The following P2RX7 variants were observed in gnomAD, a reference collection of about 807,000 sequenced individuals.
The protein encoded by P2RX7 is purinergic receptor P2X 7, also known as P2X purinoceptor 7.
A neutral mutation model predicts 71.6 loss-of-function variants in P2RX7; 62 were observed. That is an observed-to-expected ratio of 0.87 (90% CI 0.71 to 1.07). P2RX7 has a LOEUF of 1.07. P2RX7 is among the 50% of genes least tolerant of loss of function. The pLI is 0.00. For synonymous variants in P2RX7, 299 were observed against 283.3 expected, an observed-to-expected ratio of 1.06 and a Z score of -0.56; for missense variants, 686 against 748.5, an observed-to-expected ratio of 0.92 and a Z score of 0.97.
At chr12:121,160,066 G>A (rs1342903091) in intron 3 of P2RX7, among the ~76,000 whole-genome samples, 2 of 151,974 alleles carry the variant, frequency 1.3e-5, no homozygotes, top group African/African-American at 4.8e-5. Flanking sequence ...CATCACCACC[G>A]TCTAATTCCA....
rs184520344 is a variant in P2RX7, at chr12:121,173,592, G to A, written c.882-1796G>A. ...GACAGGGCCACAGGAGGAAGTACCA[G>A]ATCCGCTCAAGAGGCAGAATAAAGG... On this transcript the variant is annotated intron_variant, in intron 8 of 12. Transcript: ENST00000328963. Among the ~76,000 whole-genome samples the A allele has an allele frequency of 1.2e-4, 19 of 152,338 alleles. No homozygotes were observed. In the East Asian group the frequency reaches 3.7e-3, roughly 29 times the overall value.
chr12:121,144,308 C>T (rs1875666411), intron 1 of P2RX7, among the ~76,000 whole-genome samples: 1 of 152,200 alleles, frequency 6.6e-6, no homozygotes, highest in Admixed American at 6.5e-5. Flanking sequence ...AGCGATTCTC[C>T]TACCTCAGCT....
chr12:121,144,386 T>TG (rs1875686244), intron 1 of P2RX7, among the ~76,000 whole-genome samples: 1 of 152,166 alleles, frequency 6.6e-6, no homozygotes, highest in African/African-American at 2.4e-5. Context: ...TTAGTAGAGA[T>TG]GGGGTCTCAC....
In P2RX7 at chr12:121,154,738, C is replaced by T. The variant is rs1878207906; in HGVS notation, c.126-47C>T. 6.1e-6 allele frequency: 8 copies of T among 1,309,366 alleles called. No homozygotes were observed. The highest frequency in any genetic ancestry group is 4.6e-5 in the East Asian group (2 of 43,540). The allele number at this position is 1,309,366 out of a possible 1,614,324, so 81.1% of individuals were successfully genotyped here. Reference sequence around the variant, plus strand: ...ATCCTCCAACGCCTGCATCCCAACCCGCTGTGCTATGCCTCCCGTTGATGC... The same window carrying T: ...ATCCTCCAACGCCTGCATCCCAACCTGCTGTGCTATGCCTCCCGTTGATGC... On this transcript the variant is annotated intron_variant, in intron 1 of 12. Transcript: ENST00000328963. This position sits in a 1 kb window ranked among gnomAD's most constrained non-coding sequence, Gnocchi z 4.2.
chr12:121,141,562 AAGCATGGAG>A (rs1307420986), intron 1 of P2RX7, among the ~76,000 whole-genome samples: 1 of 152,220 alleles, frequency 6.6e-6, no homozygotes, highest in Non-Finnish European at 1.5e-5. Flanking sequence ...GGTACTGAGA[AAGCATGGAG>A]AGCTGTCCCC....
At chr12:121,167,409 T>G in intron 7 of P2RX7, 79 bp from the exon 8 acceptor site, 1 of 1,545,752 alleles carries the variant, frequency 6.5e-7, no homozygotes, top group Non-Finnish European at 8.9e-7. Flanking sequence ...TAAGCAATCC[T>G]GGCTATGCAG....
intron 5 of P2RX7, 63 bp downstream of exon 5, chr12:121,162,583 G>T: frequency 6.3e-7 from 1 of 1,577,850 alleles, no homozygotes; most frequent in South Asian, 1.1e-5. Flanking sequence ...GCCTTGCCGA[G>T]GCTGCTTGGG....
At chr12:121,174,347 C>A (rs1882731923) in intron 8 of P2RX7, among the ~76,000 whole-genome samples, 1 of 151,864 alleles carries the variant, frequency 6.6e-6, no homozygotes, top group South Asian at 2.1e-4. Context: ...GGTGCCCGAC[C>A]AAAAAATTTA....
intron 5 of P2RX7, among the ~76,000 whole-genome samples, chr12:121,163,594 CAGGT>C (rs1338347879): frequency 8.0e-5 from 5 of 62,474 alleles, no homozygotes; most frequent in East Asian, 1.4e-3. Flanking sequence ...GATAGATAGA[CAGGT>C]AGATAGATAG....
intron 1 of P2RX7, among the ~76,000 whole-genome samples, chr12:121,136,134 A>G (rs1873596386): frequency 1.4e-5 from 2 of 140,942 alleles, no homozygotes; most frequent in East Asian, 2.0e-4. Flanking sequence ...TATGTATTTT[A>G]TATATTTATA....
At chr12:121,181,581 C>T (rs1258068503) in intron 12 of P2RX7, among the ~76,000 whole-genome samples, 2 of 152,156 alleles carry the variant, frequency 1.3e-5, no homozygotes, top group African/African-American at 4.8e-5. Context: ...AATGGCCAGG[C>T]ATGGTGGCTC....
chr12:121,161,088 C>A, intron 4 of P2RX7, 114 bp downstream of exon 4: 1 of 816,304 alleles, frequency 1.2e-6, no homozygotes, highest in South Asian at 1.4e-5. Flanking sequence ...CCTCTTCCAC[C>A]ATCACCAAGC....
In P2RX7 at chr12:121,162,345, T is replaced by C. The variant is rs11065461; in HGVS notation, c.437-79T>C. On this transcript the variant is annotated intron_variant, in intron 4 of 12. Coordinates refer to ENST00000328963, the MANE Select transcript of P2RX7 (RefSeq NM_002562.6). ...AGCCTAGTCTCTCGCCCGGGTTGAG[T>C]TAATGATGTCCCTCCTGGAGAACGT... 1.2e-4 allele frequency: 196 copies of C among 1,570,432 alleles called. No homozygotes were observed. In the East Asian group the frequency reaches 4.3e-3, roughly 34 times the overall value.
intron 5 of P2RX7, among the ~76,000 whole-genome samples, chr12:121,165,128 C>T (rs923876638): frequency 7.9e-5 from 12 of 152,174 alleles, no homozygotes; most frequent in African/African-American, 2.9e-4. Context: ...GGTGGGGACA[C>T]AGAGCCAAAC....
In P2RX7 at chr12:121,133,008, A is replaced by G. The variant is rs767198540; in HGVS notation, c.38A>G (p.Tyr13Cys). Reference protein sequence around the residue: ...ACCSCSDVFQYETNKVTRIQS... With the variant: ...ACCSCSDVFQCETNKVTRIQS... Reference sequence around the variant, plus strand: ...TGCAGCTGCAGTGATGTTTTCCAGTATGAGACGAACAAAGTCACTCGGATC... The same window carrying G: ...TGCAGCTGCAGTGATGTTTTCCAGTGTGAGACGAACAAAGTCACTCGGATC... The change falls in exon 1 of 13, where the codon TAT (tyrosine) becomes TGT (cysteine). Residue 13 changes from tyrosine to cysteine, a missense_variant. Coordinates refer to ENST00000328963, the MANE Select transcript of P2RX7 (RefSeq NM_002562.6). The G allele has an allele frequency of 2.5e-6, 4 of 1,613,934 alleles. No individual in the cohort carries two copies. The South Asian group carries it at 4.4e-5, about 18-fold the overall frequency.
Position 121,166,405 on chromosome 12 carries a change from T to A in P2RX7, c.744+218T>A, listed in dbSNP as rs370838158. On this transcript the variant is annotated intron_variant, in intron 7 of 12. Transcript: ENST00000328963. ...AGAGCTACTTGGTGTATTCCTTTCC[T>A]GTGGCTGCTGTAGCAAGTTATCAAA... Among the ~76,000 whole-genome samples, 8 of 152,354 alleles carry A rather than the reference T, an allele frequency of 5.3e-5. No individual in the cohort carries two copies. In the East Asian group the frequency reaches 1.3e-3, roughly 26 times the overall value.
intron 1 of P2RX7, among the ~76,000 whole-genome samples, chr12:121,137,541 G>A (rs1283328268): frequency 6.6e-6 from 1 of 152,108 alleles, no homozygotes; most frequent in Non-Finnish European, 1.5e-5. Context: ...AATATAAAAT[G>A]GAAGAAAAAA....
Position 121,149,687 on chromosome 12 carries a change from GC to G in P2RX7, c.126-5095del. ...GGGACACAGCCAAACCATATCAGTG[GC>G]CCTGGCTTCTCTCCCATTAGCTCTG... On this transcript the variant is annotated intron_variant, in intron 1 of 12. Coordinates refer to ENST00000328963, the MANE Select transcript of P2RX7 (RefSeq NM_002562.6). The surrounding 1 kb of genome is among the most constrained non-coding windows in gnomAD (Gnocchi z 4.7). Among the ~76,000 whole-genome samples, 1 of 152,198 alleles carries G rather than the reference GC, an allele frequency of 6.6e-6. No individual in the cohort carries two copies. The highest frequency in any genetic ancestry group is 1.5e-5 in the Non-Finnish European group (1 of 67,998).
At chr12:121,173,326 C>T (rs570149754) in intron 8 of P2RX7, among the ~76,000 whole-genome samples, 6 of 152,262 alleles carry the variant, frequency 3.9e-5, no homozygotes, top group African/African-American at 1.4e-4. Context: ...GCTGGGATTA[C>T]AGGCGTCTGC....
Sources: allele counts gnomAD v4.1 joint callset (sites outside exome capture counted in the v4.1 genomes callset), GRCh38; gene constraint gnomAD v4.1.1; non-coding constraint Gnocchi (gnomAD v3.1); transcripts MANE v1.5; gene names NCBI Gene and HGNC (gene_info 2026-07-23, HGNC 2026-07-21).